USP40: variants seen among roughly 807,000 people sequenced by gnomAD.
USP40 encodes the protein ubiquitin specific peptidase 40.
Under a neutral mutation model 166.2 loss-of-function variants are expected in USP40, and 143 were observed. The observed-to-expected ratio is 0.86, with a 90% CI of 0.75 to 0.99. The LOEUF is 0.99. USP40 is among the 50% of genes least tolerant of loss of function. The pLI is 0.00. For synonymous variants in USP40, 498 were observed against 524.0 expected (o/e 0.95, Z 0.68); for missense variants, 1,444 against 1,479.7 (o/e 0.98, Z 0.40).
In USP40 at chr2:233,517,590, T is replaced by G. The variant is rs1056174982; in HGVS notation, c.2383+2024A>C. Among the ~76,000 whole-genome samples, 2 of 152,162 alleles carry G rather than the reference T, an allele frequency of 1.3e-5. 1 individual carries two copies. The highest frequency in any genetic ancestry group is 4.1e-4 in the South Asian group (2 of 4,828). ...TTTCAGTAGAGACAGGGTTTCACCA[T>G]GTTAGCCAGGATGGTCTTGATCTCC... is the stretch of plus-strand genomic sequence containing the variant. On this transcript the variant is annotated intron_variant, in intron 18 of 31. Transcript: ENST00000678225.
chr2:233,497,753 T>C (rs934883431), intron 23 of USP40, among the ~76,000 whole-genome samples: 1 of 152,254 alleles, frequency 6.6e-6, no homozygotes, highest in East Asian at 1.9e-4. Context: ...TGAGGTCCAC[T>C]TCTTACTCCA....
At chr2:233,519,444 T>C (rs1369597327) in intron 18 of USP40, 170 bp downstream of exon 18, 1 of 535,192 alleles carries the variant, frequency 1.9e-6, no homozygotes, top group Non-Finnish European at 3.4e-6. Flanking sequence ...ACTTCATTTA[T>C]AATGTTTCAA....
chr2:233,526,114 C>T (rs371953017), intron 13 of USP40, among the ~76,000 whole-genome samples: 44 of 152,136 alleles, frequency 2.9e-4, no homozygotes, highest in East Asian at 1.9e-3. Context: ...AATAATATCA[C>T]CATAAAAGTC....
intron 3 of USP40, among the ~76,000 whole-genome samples, chr2:233,561,518 T>G (rs1165246729): frequency 2.7e-5 from 4 of 148,092 alleles, no homozygotes; most frequent in Non-Finnish European, 6.0e-5. Flanking sequence ...TAGCCATATG[T>G]AGAAAGCTGA....
At chr2:233,487,312 A>C (rs1049552894) in intron 28 of USP40, among the ~76,000 whole-genome samples, 2 of 152,238 alleles carry the variant, frequency 1.3e-5, no homozygotes, top group Non-Finnish European at 2.9e-5. Context: ...AATTTAGGAA[A>C]TACCTAGACG....
At chr2:233,483,106 GT>G (rs1197627370) in intron 30 of USP40, among the ~76,000 whole-genome samples, 1 of 152,156 alleles carries the variant, frequency 6.6e-6, no homozygotes, top group Admixed American at 6.5e-5. Flanking sequence ...CCTTTTCACT[GT>G]TTTTTATGAT....
chr2:233,548,345 C>T (rs977890610), intron 8 of USP40, among the ~76,000 whole-genome samples: 3 of 152,120 alleles, frequency 2.0e-5, no homozygotes, highest in East Asian at 1.9e-4. Context: ...GCTACAGACA[C>T]GGGATTTATT....
At chr2:233,491,136 C>T (rs1350410922) in intron 26 of USP40, 31 bp downstream of exon 26, 1 of 1,473,904 alleles carries the variant, frequency 6.8e-7, no homozygotes, top group African/African-American at 1.4e-5. Flanking sequence ...GCCACATTAC[C>T]ACTAAGTTAT....
At position 233,556,934 on chromosome 2, in the gene USP40, T is replaced by C. The variant is rs780110320; in HGVS notation, c.467A>G (p.Asp156Gly). ...TCCATGGTACAGACGATAGATGAGGTCATGACCGGAGGTCCCAACTAAAGA... is the reference window on the plus strand; with the variant it reads ...TCCATGGTACAGACGATAGATGAGGCCATGACCGGAGGTCCCAACTAAAGA... ...ETSLVGTSGHDLIYRLYHGTI... is the reference protein window; with the variant it reads ...ETSLVGTSGHGLIYRLYHGTI... Residue 156 changes from aspartate to glycine, a missense_variant, in exon 5 of 32, where the codon GAC (aspartate) becomes GGC (glycine). Transcript: ENST00000678225. 2.3e-5 allele frequency: 37 copies of C among 1,613,848 alleles called. No individual in the cohort carries two copies. The highest frequency in any genetic ancestry group is 3.1e-5 in the Non-Finnish European group (37 of 1,179,866).
At chr2:233,512,351 C>T (rs866689611) in intron 19 of USP40, 19 of 323,444 alleles carry the variant, frequency 5.9e-5, no homozygotes, top group South Asian at 5.4e-4. Flanking sequence ...AAATGAGAAT[C>T]GGATAATCAG....
intron 27 of USP40, among the ~76,000 whole-genome samples, chr2:233,488,724 G>A (rs1480760094): frequency 6.6e-6 from 1 of 152,120 alleles, no homozygotes; most frequent in Non-Finnish European, 1.5e-5. Context: ...GACCAGACTG[G>A]GCAACATAGG....
intron 6 of USP40, among the ~76,000 whole-genome samples, chr2:233,553,256 A>T (rs976022327): frequency 5.3e-5 from 8 of 152,244 alleles, no homozygotes; most frequent in Admixed American, 2.6e-4. Context: ...GTGTGTGAAA[A>T]ATACATTAAA....
intron 10 of USP40, among the ~76,000 whole-genome samples, chr2:233,535,322 T>A (rs2068857711): frequency 6.6e-6 from 1 of 152,142 alleles, no homozygotes; most frequent in African/African-American, 2.4e-5. Context: ...CCTACCAAAT[T>A]AGAAAGAGAT....
Position 233,533,618 on chromosome 2 carries a change from G to C in USP40, c.1332C>G (p.Ile444Met). ...PPESPGLNNS[I>M]SCPHWFDIND... The stretch of plus-strand genomic sequence containing the variant: ...TTATATCAAACCAGTGGGGACAGGA[G>C]ATGCTATTGTTTAAACCTGGGGATT... The change falls in exon 11 of 32, where the codon ATC becomes ATG. Residue 444 changes from isoleucine to methionine, a missense_variant. Coordinates refer to ENST00000678225, the MANE Select transcript of USP40 (RefSeq NM_001365479.2). 1 of 1,613,784 alleles carries C rather than the reference G, an allele frequency of 6.2e-7. No homozygotes were observed. The highest frequency in any genetic ancestry group is 8.5e-7 in the Non-Finnish European group (1 of 1,179,796).
chr2:233,508,311 A>G (rs918926593), intron 21 of USP40, among the ~76,000 whole-genome samples: 1 of 152,232 alleles, frequency 6.6e-6, no homozygotes, highest in African/African-American at 2.4e-5. Context: ...AAAGAAGTCC[A>G]TACATTGCAA....
intron 13 of USP40, among the ~76,000 whole-genome samples, chr2:233,525,918 G>C (rs988382893): frequency 2.6e-5 from 4 of 152,158 alleles, no homozygotes; most frequent in Admixed American, 6.5e-5. Context: ...CTAATTTGCA[G>C]AATTAGCAAT....
At chr2:233,552,429 T>G (rs998280657) in intron 6 of USP40, among the ~76,000 whole-genome samples, 1 of 152,062 alleles carries the variant, frequency 6.6e-6, no homozygotes, top group African/African-American at 2.4e-5. Context: ...GAATAGAATA[T>G]AAATTTAGAA....
intron 24 of USP40, among the ~76,000 whole-genome samples, chr2:233,495,954 T>C (rs2065727015): frequency 6.6e-6 from 1 of 152,184 alleles, no homozygotes; most frequent in Non-Finnish European, 1.5e-5. Context: ...AAAACAAGTG[T>C]AAAACAATGT....
Position 233,496,746 on chromosome 2 carries a change from G to A in USP40, c.2790+12C>T. ...TTACTTAAGAGTTGTCTATTCAGAAGTAAAATCTTACCAGAGGAGGAAGTT... is the reference window on the plus strand; with the variant it reads ...TTACTTAAGAGTTGTCTATTCAGAAATAAAATCTTACCAGAGGAGGAAGTT... On this transcript the variant is annotated intron_variant, in intron 24 of 31. Coordinates refer to ENST00000678225, the MANE Select transcript of USP40 (RefSeq NM_001365479.2). 2 of 1,607,590 alleles carry A rather than the reference G, an allele frequency of 1.2e-6. No homozygotes were observed. The highest frequency in any genetic ancestry group is 1.7e-4 in the Middle Eastern group (1 of 5,960).
Sources: allele counts gnomAD v4.1 joint callset (sites outside exome capture counted in the v4.1 genomes callset), GRCh38; gene constraint gnomAD v4.1.1; transcripts MANE v1.5; gene names NCBI Gene and HGNC (gene_info 2026-07-23, HGNC 2026-07-21).